TFB1M: variants seen among roughly 807,000 people sequenced by gnomAD.
TFB1M encodes transcription factor B1, mitochondrial, also known as dimethyladenosine transferase 1, mitochondrial.
TFB1M carries 27 observed loss-of-function variants against 31.1 expected under a neutral mutation model. The observed-to-expected ratio is 0.87, with a 90% CI of 0.64 to 1.20. TFB1M has a LOEUF of 1.20. TFB1M is among the 50% of genes most tolerant of loss of function. The pLI is 0.00. For synonymous variants in TFB1M, 166 were observed against 151.8 expected, an observed-to-expected ratio of 1.09 and a Z score of -0.69; for missense variants, 394 against 418.7, an observed-to-expected ratio of 0.94 and a Z score of 0.51.
At chr6:155,309,148 A>G (rs1476429981) in intron 2 of TFB1M, among the ~76,000 whole-genome samples, 1 of 152,216 alleles carries the variant, frequency 6.6e-6, no homozygotes, top group African/African-American at 2.4e-5. Context: ...TGCTACACAA[A>G]TATTTACTTT....
At chr6:155,239,746 G>C in the TFB1M span, among the ~76,000 whole-genome samples, 2 of 152,100 alleles carry the variant, frequency 1.3e-5, no homozygotes, top group African/African-American at 4.8e-5. Flanking sequence ...CCTAGGCCTG[G>C]CCCTGGCTCC....
chr6:155,251,517 C>T (rs1583289764), downstream of TFB1M, among the ~76,000 whole-genome samples: 1 of 152,198 alleles, frequency 6.6e-6, no homozygotes, highest in East Asian at 1.9e-4. Flanking sequence ...GAACTCCTGA[C>T]CTCAGGTGAT....
the TFB1M span, among the ~76,000 whole-genome samples, chr6:155,235,718 C>T: frequency 6.6e-6 from 1 of 152,230 alleles, no homozygotes; most frequent in Non-Finnish European, 1.5e-5. Context: ...AGCACTTGAA[C>T]ACTTAATTGT....
At chr6:155,277,855 C>T (rs6910066) in intron 5 of TFB1M, among the ~76,000 whole-genome samples, 87,181 of 151,974 alleles carry the variant, frequency 0.57, 25,823 homozygotes, top group East Asian at 0.84. Flanking sequence ...TGCTTTGATC[C>T]CATTAATAGT....
the TFB1M span, among the ~76,000 whole-genome samples, chr6:155,242,767 G>A: frequency 1.3e-5 from 2 of 152,014 alleles, no homozygotes; most frequent in East Asian, 1.9e-4. Flanking sequence ...ATGGAGTCTC[G>A]CTCTGTCACC....
chr6:155,297,333 G>C (rs1457191638), intron 3 of TFB1M, among the ~76,000 whole-genome samples: 1 of 152,090 alleles, frequency 6.6e-6, no homozygotes, highest in Non-Finnish European at 1.5e-5. Flanking sequence ...GTTACTCAGA[G>C]AAAAGTCCTT....
At chr6:155,305,691 T>TA (rs1562426085) in intron 2 of TFB1M, among the ~76,000 whole-genome samples, 1 of 24,840 alleles carries the variant, frequency 4.0e-5, no homozygotes, top group African/African-American at 1.5e-4. Context: ...AATTATATAT[T>TA]TATATATAAA....
At chr6:155,271,728 A>G (rs1784925702) in intron 5 of TFB1M, among the ~76,000 whole-genome samples, 1 of 152,228 alleles carries the variant, frequency 6.6e-6, no homozygotes, top group African/African-American at 2.4e-5. Context: ...AGGACATAAA[A>G]TAATACATTA....
the TFB1M span, among the ~76,000 whole-genome samples, chr6:155,249,410 G>A: frequency 3.3e-5 from 5 of 152,202 alleles, no homozygotes; most frequent in Non-Finnish European, 5.9e-5. Flanking sequence ...GCTTGGGTTT[G>A]AAGCCTGGCT....
chr6:155,254,748 A>G (rs573476671), downstream of TFB1M: 2 of 738,560 alleles, frequency 2.7e-6, no homozygotes, highest in East Asian at 5.5e-5. Flanking sequence ...ACTGTAAAAT[A>G]CAGCCACCCC....
intron 5 of TFB1M, among the ~76,000 whole-genome samples, chr6:155,270,812 G>A (rs1028658096): frequency 1.3e-5 from 2 of 152,058 alleles, no homozygotes; most frequent in Non-Finnish European, 2.9e-5. Flanking sequence ...AGGTGTCTTC[G>A]GATGCAGCAC....
At chr6:155,245,642 G>C in the TFB1M span, 1 of 1,613,988 alleles carries the variant, frequency 6.2e-7, no homozygotes, top group South Asian at 1.1e-5. Flanking sequence ...TTTTCCCTTG[G>C]AGGCTCTTTC....
chr6:155,256,879 G>C lies in TFB1M; in HGVS notation c.*957C>G. The C allele has an allele frequency of 1.2e-6, 2 of 1,614,234 alleles. No homozygotes were observed. The highest frequency in any genetic ancestry group is 1.7e-6 in the Non-Finnish European group (2 of 1,180,046). ...GGAGTCGGGTGAGGGTCAGAAAGGA[G>C]GAGAGCAGCCCAAACTGGTCCGGGG... On this transcript the variant is annotated 3_prime_UTR_variant, in exon 7 of 7. Coordinates refer to ENST00000367166, the MANE Select transcript of TFB1M (RefSeq NM_016020.4).
chr6:155,314,083 C>A (rs897192595), intron 1 of TFB1M: 58 of 1,443,956 alleles, frequency 4.0e-5, no homozygotes, highest in Non-Finnish European at 5.1e-5. Context: ...GCTACACCCC[C>A]CCGAACGCGG....
intron 5 of TFB1M, among the ~76,000 whole-genome samples, chr6:155,270,595 CAT>C (rs990445710): frequency 6.6e-6 from 1 of 151,970 alleles, no homozygotes; most frequent in African/African-American, 2.4e-5. Context: ...AAATAATCAA[CAT>C]GTTTTGAGAA....
chr6:155,275,399 T>C (rs1785140264), intron 5 of TFB1M, among the ~76,000 whole-genome samples: 1 of 152,182 alleles, frequency 6.6e-6, no homozygotes, highest in African/African-American at 2.4e-5. Flanking sequence ...GGGCAACTGC[T>C]TTCTTTATGC....
intron 5 of TFB1M, chr6:155,275,863 C>A (rs372008756): frequency 2.5e-6 from 4 of 1,614,002 alleles, no homozygotes; most frequent in Non-Finnish European, 3.4e-6. Flanking sequence ...TACAGCTGCA[C>A]GGGCTCTGGA....
chr6:155,256,919 T>C lies in TFB1M; in HGVS notation c.*917A>G, dbSNP rs745889030. ...CTGGTCCGGGGGCACTTCTGCCCCA[T>C]TAAACGAAAAGCCAACAGCACCAAG... On this transcript the variant is annotated 3_prime_UTR_variant, in exon 7 of 7. Transcript: ENST00000367166. The C allele has an allele frequency of 3.7e-6, 6 of 1,614,148 alleles. No homozygotes were observed. Among genetic ancestry groups the C allele is most frequent in the South Asian group, 3.3e-5 (3 of 91,078 alleles).
the TFB1M span, among the ~76,000 whole-genome samples, chr6:155,230,960 G>A: frequency 7.9e-5 from 12 of 151,522 alleles, no homozygotes; most frequent in African/African-American, 2.9e-4. Context: ...CAGGTCCTGA[G>A]TAGCTGGGAT....
Sources: gnomAD v4.1 joint callset for allele counts (sites outside exome capture counted in the v4.1 genomes callset) on GRCh38, gnomAD v4.1.1 for gene constraint, MANE v1.5 for transcripts, NCBI Gene and HGNC (gene_info 2026-07-23, HGNC 2026-07-21) for gene names.